The following DMRT1 variants were observed in gnomAD, a reference collection of about 807,000 sequenced individuals.
The protein encoded by DMRT1 is doublesex- and mab-3-related transcription factor 1.
In DMRT1, 7 loss-of-function variants were observed where a neutral mutation model predicts 32.3. The ratio of observed to expected loss-of-function variants is 0.22; its 90% CI spans 0.12 to 0.41. The LOEUF (loss-of-function observed/expected upper bound fraction) is 0.41, where lower values mean the gene tolerates loss of function less well. Ranked by LOEUF, DMRT1 falls within the 10% of genes least tolerant of loss-of-function variation. The pLI, the probability that DMRT1 is intolerant of heterozygous loss-of-function variation, is 1.00. For synonymous variants in DMRT1, 278 were observed against 206.1 expected (o/e 1.35, Z -2.99); for missense variants, 625 against 500.5 (o/e 1.25, Z -2.37).
chr9:924,945 C>T (rs1818473265), intron 4 of DMRT1, among the ~76,000 whole-genome samples: 1 of 152,148 alleles, frequency 6.6e-6, no homozygotes, highest in South Asian at 2.1e-4. Context: ...AAACTGTGGG[C>T]AAGATTGAGA....
intron 4 of DMRT1, among the ~76,000 whole-genome samples, chr9:929,254 C>T (rs1019921654): frequency 2.6e-5 from 4 of 152,130 alleles, no homozygotes; most frequent in Admixed American, 2.0e-4. Context: ...CAAAGGATTG[C>T]AGTACCTTCT....
intron 4 of DMRT1, among the ~76,000 whole-genome samples, chr9:960,101 T>G (rs561425468): frequency 6.6e-6 from 1 of 152,332 alleles, no homozygotes; most frequent in African/African-American, 2.4e-5. Context: ...CTCTTTGCCC[T>G]AGCCTGATTC....
chr9:858,868 AAAAT>A (rs1257998808), intron 2 of DMRT1, among the ~76,000 whole-genome samples: 178 of 17,136 alleles, frequency 0.01, no homozygotes, highest in African/African-American at 0.033. Flanking sequence ...AAAAAAAAAA[AAAAT>A]ATATATATAT....
intron 4 of DMRT1, among the ~76,000 whole-genome samples, chr9:962,842 A>G (rs1052929012): frequency 1.1e-4 from 16 of 152,260 alleles, no homozygotes; most frequent in Admixed American, 7.2e-4. Flanking sequence ...CACAAGCAGC[A>G]GGGAAACTAA....
intron 3 of DMRT1, among the ~76,000 whole-genome samples, chr9:909,264 T>G (rs1360735691): frequency 6.6e-6 from 1 of 152,192 alleles, no homozygotes; most frequent in African/African-American, 2.4e-5. Context: ...CCTGGTGCTT[T>G]GGTAATCTCT....
chr9:899,343 G>A (rs1011183156), intron 3 of DMRT1, among the ~76,000 whole-genome samples: 8 of 152,106 alleles, frequency 5.3e-5, no homozygotes, highest in African/African-American at 1.9e-4. Context: ...TTATTGTACA[G>A]TTGAGACTTC....
At chr9:869,849 C>G (rs1816154449) in intron 2 of DMRT1, among the ~76,000 whole-genome samples, 1 of 152,136 alleles carries the variant, frequency 6.6e-6, no homozygotes, top group African/African-American at 2.4e-5. Context: ...TAATGCAAGT[C>G]TGCATTGTGT....
At position 968,188 on chromosome 9, in the gene DMRT1, C is replaced by A. The variant is rs749839257; in HGVS notation, c.*49C>A. 5.0e-6 allele frequency: 8 copies of A among 1,607,702 alleles called. No individual in the cohort carries two copies. The highest frequency in any genetic ancestry group is 3.4e-6 in the Non-Finnish European group (4 of 1,176,666). ...TTCACTTGGAGTAACAGGCTTATTCCACTTTCCATGGGGTTTGTTAATATT... is the reference window on the plus strand; with the variant it reads ...TTCACTTGGAGTAACAGGCTTATTCAACTTTCCATGGGGTTTGTTAATATT... On this transcript the variant is annotated 3_prime_UTR_variant, in exon 5 of 5. Transcript: ENST00000382276.
Position 889,916 on chromosome 9 carries a change from A to G in DMRT1, c.539-3996A>G, listed in dbSNP as rs140483250. On this transcript the variant is annotated intron_variant, in intron 2 of 4. Coordinates refer to ENST00000382276, the MANE Select transcript of DMRT1 (RefSeq NM_021951.3). ...GTATAGGAATGAACCATTAATGTTTATGACTGCATGGTAGGATAGGTCATT... is the reference window on the plus strand; with the variant it reads ...GTATAGGAATGAACCATTAATGTTTGTGACTGCATGGTAGGATAGGTCATT... 9.1e-3 allele frequency among the ~76,000 whole-genome samples: 1,392 copies of G among 152,254 alleles called. 18 individuals are homozygous for G. The highest frequency in any genetic ancestry group is 0.03 in the African/African-American group (1,245 of 41,522).
intron 2 of DMRT1, among the ~76,000 whole-genome samples, chr9:873,886 C>T (rs548806143): frequency 6.6e-6 from 1 of 152,244 alleles, no homozygotes; most frequent in South Asian, 2.1e-4. Flanking sequence ...AAAAGTTCAC[C>T]TTCTAGTACT....
chr9:849,652 T>C (rs887521527), intron 2 of DMRT1, among the ~76,000 whole-genome samples: 1 of 152,180 alleles, frequency 6.6e-6, no homozygotes, highest in African/African-American at 2.4e-5. Context: ...CCAGAGTCCC[T>C]TCCTCACCTG....
At chr9:945,086 A>G (rs879565854) in intron 4 of DMRT1, among the ~76,000 whole-genome samples, 3 of 152,198 alleles carry the variant, frequency 2.0e-5, no homozygotes, top group Non-Finnish European at 4.4e-5. Context: ...AGCATTTTCA[A>G]AAAGTGAAAA....
chr9:953,280 A>G (rs10977752), intron 4 of DMRT1, among the ~76,000 whole-genome samples: 4,304 of 149,404 alleles, frequency 0.029, 215 homozygotes, highest in African/African-American at 0.1. Context: ...TATTATGGAG[A>G]AAAAAAAAAG....
At chr9:845,501 C>T (rs745438370) in intron 1 of DMRT1, among the ~76,000 whole-genome samples, 19 of 152,136 alleles carry the variant, frequency 1.2e-4, no homozygotes, top group Admixed American at 2.0e-4. Context: ...AGCAACCCCG[C>T]CTGGCCTTTT....
At chr9:932,736 T>G (rs982534649) in intron 4 of DMRT1, among the ~76,000 whole-genome samples, 1 of 152,130 alleles carries the variant, frequency 6.6e-6, no homozygotes, top group African/African-American at 2.4e-5. Context: ...TGGCTACAAA[T>G]TAGGGGTTCC....
intron 4 of DMRT1, among the ~76,000 whole-genome samples, chr9:924,622 T>C (rs1818463704): frequency 6.6e-6 from 1 of 152,298 alleles, no homozygotes; most frequent in South Asian, 2.1e-4. Context: ...ATGTGTATCA[T>C]GATTCTTGAA....
At chr9:876,152 G>A (rs187800871) in intron 2 of DMRT1, among the ~76,000 whole-genome samples, 1 of 152,172 alleles carries the variant, frequency 6.6e-6, no homozygotes, top group Non-Finnish European at 1.5e-5. Context: ...GTTCCGAGTA[G>A]CTTGTGTATA....
intron 2 of DMRT1, among the ~76,000 whole-genome samples, chr9:893,695 TAAAA>T (rs1817238462): frequency 6.6e-6 from 1 of 152,234 alleles, no homozygotes; most frequent in South Asian, 2.1e-4. Context: ...ATACTCTCAG[TAAAA>T]ACAATCAGCT....
Position 917,007 on chromosome 9 carries a change from G to C in DMRT1, c.967+100G>C. 3 of 1,366,204 alleles carry C rather than the reference G, an allele frequency of 2.2e-6. No individual in the cohort carries two copies. In the South Asian group the frequency reaches 3.5e-5, roughly 16 times the overall value. The allele number at this position is 1,366,204 out of a possible 1,614,324, so 84.6% of individuals were successfully genotyped here. ...TCTAATGGCTTAGCTGTTAGTAATTGTTGGAAATTTTATTGCTGTGTGAAG... is the reference window on the plus strand; with the variant it reads ...TCTAATGGCTTAGCTGTTAGTAATTCTTGGAAATTTTATTGCTGTGTGAAG... On this transcript the variant is annotated intron_variant, in intron 4 of 4. Transcript: ENST00000382276.
Sources: allele counts gnomAD v4.1 joint callset (sites outside exome capture counted in the v4.1 genomes callset), GRCh38; gene constraint gnomAD v4.1.1; transcripts MANE v1.5; gene names NCBI Gene and HGNC (gene_info 2026-07-23, HGNC 2026-07-21).